Variants in CPLX1 observed in about 807,000 individuals in gnomAD.
CPLX1 encodes the protein complexin-1.
In CPLX1, 6 loss-of-function variants were observed where a neutral mutation model predicts 15.6. That is an observed-to-expected ratio of 0.39 (90% confidence interval 0.21 to 0.76). The LOEUF (loss-of-function observed/expected upper bound fraction) is 0.76. CPLX1 is among the 30% of genes least tolerant of loss of function. The pLI is 0.43. For missense variants in CPLX1, 242 were observed against 188.6 expected (o/e 1.28, Z -1.66); for synonymous variants, 91 against 75.2 (o/e 1.21, Z -1.08).
In CPLX1 at chr4:800,732, AAAAT is replaced by A. The variant is rs761530069; in HGVS notation, c.32-8128_32-8125del. On this transcript the variant is annotated intron_variant, in intron 2 of 3. Coordinates refer to ENST00000304062, the MANE Select transcript of CPLX1 (RefSeq NM_006651.4). ...GGAAACCCCGTCTCTACTAAAAAAA[AAAAT>A]ATATATATATATATATATACACACA... 5.7e-3 allele frequency among the ~76,000 whole-genome samples: 532 copies of A among 93,916 alleles called. 13 individuals are homozygous for A. Among genetic ancestry groups the A allele is most frequent in the African/African-American group, 0.018 (458 of 26,170 alleles). 61.6% of individuals were successfully genotyped at this position (93,916 alleles called of 152,430 possible).
In CPLX1 at chr4:793,294, G is replaced by A. The variant is rs1457321632; in HGVS notation, c.32-686C>T. Among the ~76,000 whole-genome samples, 4 of 151,614 alleles carry A rather than the reference G, an allele frequency of 2.6e-5. No homozygotes were observed. The South Asian group carries it at 6.2e-4, about 24-fold the overall frequency. On this transcript the variant is annotated intron_variant, in intron 2 of 3. Transcript: ENST00000304062. ...TGGCATGGGGGCTGGCAGGGGCCCT[G>A]CTGGGGCAGGAGCTGGCATGGGGGT...
intron 2 of CPLX1, among the ~76,000 whole-genome samples, chr4:795,684 C>T (rs963512938): frequency 1.3e-5 from 2 of 151,898 alleles, no homozygotes; most frequent in Admixed American, 6.6e-5. Flanking sequence ...GCGGCAATGA[C>T]GGGGCTGGCA....
intron 2 of CPLX1, among the ~76,000 whole-genome samples, chr4:809,019 CG>C (rs1351688250): frequency 1.3e-5 from 2 of 152,248 alleles, no homozygotes; most frequent in Non-Finnish European, 2.9e-5. Context: ...AGTGCGCGGG[CG>C]GCAGGCCGGG....
chr4:794,829 A>C (rs1436867472), intron 2 of CPLX1, among the ~76,000 whole-genome samples: 4 of 152,176 alleles, frequency 2.6e-5, no homozygotes, highest in Non-Finnish European at 5.9e-5. Flanking sequence ...TCTGCAGCTC[A>C]GTGGGCTGCC....
chr4:807,514 G>T (rs2152646295), intron 2 of CPLX1, among the ~76,000 whole-genome samples: 1 of 149,712 alleles, frequency 6.7e-6, no homozygotes, highest in African/African-American at 2.5e-5. Flanking sequence ...ATTCTTTGTT[G>T]CCCTGGCTGG....
At chr4:809,844 C>A (rs555194576) in intron 2 of CPLX1, among the ~76,000 whole-genome samples, 1 of 151,886 alleles carries the variant, frequency 6.6e-6, no homozygotes, top group East Asian at 1.9e-4. Context: ...GGGGCACACA[C>A]AATACGTGGT....
intron 3 of CPLX1, among the ~76,000 whole-genome samples, chr4:791,453 C>A (rs1746173648): frequency 6.6e-6 from 1 of 152,150 alleles, no homozygotes; most frequent in South Asian, 2.1e-4. Context: ...CCTGCCCCGC[C>A]CCTGCCCTCC....
intron 2 of CPLX1, among the ~76,000 whole-genome samples, chr4:803,956 C>T (rs1746507885): frequency 6.6e-6 from 1 of 152,206 alleles, no homozygotes; most frequent in Non-Finnish European, 1.5e-5. Context: ...CAGGCGTGAG[C>T]CACCACGCCT....
chr4:813,746 C>A (rs1018810680), intron 2 of CPLX1, among the ~76,000 whole-genome samples: 1 of 152,154 alleles, frequency 6.6e-6, no homozygotes, highest in Admixed American at 6.5e-5. Context: ...ACACAGAATC[C>A]ATTTCTGGGG....
At chr4:804,300 T>C (rs1746514040) in intron 2 of CPLX1, among the ~76,000 whole-genome samples, 4 of 152,232 alleles carry the variant, frequency 2.6e-5, no homozygotes, top group African/African-American at 4.8e-5. Flanking sequence ...AGTAAAAACC[T>C]ACCAGAACAC....
intron 2 of CPLX1, among the ~76,000 whole-genome samples, chr4:809,261 G>A (rs1294302313): frequency 6.6e-6 from 1 of 152,222 alleles, no homozygotes; most frequent in African/African-American, 2.4e-5. Context: ...ACAGTGGAAC[G>A]GTGATGACTC....
rs952954058 is a variant in CPLX1 at position 825,052 on chromosome 4, G to C, written c.-79-451C>G. Among the ~76,000 whole-genome samples the C allele has an allele frequency of 5.3e-5, 8 of 152,324 alleles. 1 individual carries two copies. Among genetic ancestry groups the C allele is most frequent in the Middle Eastern group, 6.8e-3 (2 of 294 alleles). On this transcript the variant is annotated intron_variant, in intron 1 of 3. Transcript: ENST00000304062. ...TTCAGGGCGGGCTCCTGTGGCTTCT[G>C]ACCAGGGAGGCTTGGGTGACCCTAT...
chr4:786,314 A>T lies in CPLX1; in HGVS notation c.*187T>A. On this transcript the variant is annotated 3_prime_UTR_variant, in exon 4 of 4. Coordinates refer to ENST00000304062, the MANE Select transcript of CPLX1 (RefSeq NM_006651.4). Reference sequence around the variant, plus strand: ...CCGCGGGCAGAGGAGCACGGGGCGGACTGGGGGGGTCCTGGGGGCGCGCGC... The same window carrying T: ...CCGCGGGCAGAGGAGCACGGGGCGGTCTGGGGGGGTCCTGGGGGCGCGCGC... The T allele has an allele frequency of 2.0e-6, 1 of 489,124 alleles. No individual in the cohort carries two copies. Among genetic ancestry groups the T allele is most frequent in the Non-Finnish European group, 3.5e-6 (1 of 285,218 alleles). 30.3% of individuals were successfully genotyped at this position (489,124 alleles called of 1,614,324 possible).
Position 792,435 on chromosome 4 carries a change from T to G in CPLX1, c.205A>C (p.Lys69Gln). The G allele has an allele frequency of 6.3e-7, 1 of 1,576,722 alleles. No individual in the cohort carries two copies. The highest frequency in any genetic ancestry group is 8.6e-7 in the Non-Finnish European group (1 of 1,162,794). ...REAVRQGIRD[K>Q]YGIKKKEERE... ...GGCGGGGCCGGCCCGGCGCGCACCTTGTCTCGGATGCCCTGGCGCACGGCC... is the reference window on the plus strand; with the variant it reads ...GGCGGGGCCGGCCCGGCGCGCACCTGGTCTCGGATGCCCTGGCGCACGGCC... The change falls in exon 3 of 4, where the codon AAG becomes CAG. Residue 69 changes from lysine to glutamine, a missense_variant and splice_region_variant. By Grantham distance (53) the Lys-to-Gln change is moderately conservative. Transcript: ENST00000304062.
chr4:811,289 C>T (rs1456667241), intron 2 of CPLX1, among the ~76,000 whole-genome samples: 2 of 152,174 alleles, frequency 1.3e-5, no homozygotes, highest in Admixed American at 6.5e-5. Flanking sequence ...GCTACAGGTG[C>T]ATACCACTGT....
chr4:814,402 C>T (rs765376795), intron 2 of CPLX1, among the ~76,000 whole-genome samples: 10 of 152,048 alleles, frequency 6.6e-5, no homozygotes, highest in Non-Finnish European at 1.3e-4. Flanking sequence ...TAGTGGAGAC[C>T]GGGTTTCACC....
At chr4:807,956 G>A (rs1746589335) in intron 2 of CPLX1, among the ~76,000 whole-genome samples, 1 of 152,138 alleles carries the variant, frequency 6.6e-6, no homozygotes, top group Admixed American at 6.5e-5. Flanking sequence ...CATGGCACAG[G>A]TGCAGCACAA....
chr4:791,717 G>A (rs947324562), intron 3 of CPLX1, among the ~76,000 whole-genome samples: 5 of 152,168 alleles, frequency 3.3e-5, no homozygotes, highest in Non-Finnish European at 7.4e-5. Context: ...GGCCTGCTGC[G>A]GCCCCTACCC....
intron 3 of CPLX1, chr4:788,353 G>A (rs1036988459): frequency 4.1e-6 from 4 of 985,092 alleles, no homozygotes; most frequent in African/African-American, 1.7e-5. Context: ...GGGGGCCAGG[G>A]CCACCTTCAG....
Sources: allele counts gnomAD v4.1 joint callset (sites outside exome capture counted in the v4.1 genomes callset), GRCh38; gene constraint gnomAD v4.1.1; transcripts MANE v1.5; gene names NCBI Gene and HGNC (gene_info 2026-07-23, HGNC 2026-07-21).